PTPN9: variants seen among roughly 807,000 people sequenced by gnomAD.
PTPN9 encodes the protein tyrosine-protein phosphatase non-receptor type 9.
Under a neutral mutation model 69.8 loss-of-function variants are expected in PTPN9, and 26 were observed. The ratio of observed to expected loss-of-function variants is 0.37; its 90% CI spans 0.27 to 0.52. PTPN9 has a LOEUF of 0.52. PTPN9 is among the 20% of genes least tolerant of loss of function. PTPN9 has a pLI of 0.91. For missense variants in PTPN9, 549 were observed against 740.3 expected (o/e 0.74, Z 3.00); for synonymous variants, 274 against 272.5 (o/e 1.01, Z -0.05).
intron 1 of PTPN9, among the ~76,000 whole-genome samples, chr15:75,528,821 C>T (rs1466636101): frequency 1.3e-5 from 2 of 151,978 alleles, no homozygotes; most frequent in African/African-American, 4.8e-5. Context: ...CTGTCCCCGC[C>T]TTCCGAGTAG....
At chr15:75,503,647 C>A (rs1373496183) in intron 7 of PTPN9, among the ~76,000 whole-genome samples, 1 of 55,700 alleles carries the variant, frequency 1.8e-5, no homozygotes, top group African/African-American at 6.7e-5. Context: ...GTGAGGGGCG[C>A]CTCTGCCCAG....
rs1378547708 is a variant in PTPN9, at chr15:75,481,845, G to A, written c.1063-1931C>T. Among the ~76,000 whole-genome samples the A allele has an allele frequency of 5.4e-4, 72 of 134,248 alleles. 5 individuals are homozygous for A. The highest frequency in any genetic ancestry group is 2.3e-4 in the Non-Finnish European group (14 of 61,248). 88.1% of individuals were successfully genotyped at this position (134,248 alleles called of 152,430 possible). A position where few individuals can be genotyped will look rare whatever the true frequency, so the allele number is the denominator to read the frequency against. ...GGGAGGGAGGTGGGGGGGGGTCAGC[G>A]CCCCTGCCTGGCCAGCCGCCCCTCC... On this transcript the variant is annotated intron_variant, in intron 8 of 12. Coordinates refer to ENST00000618819, the MANE Select transcript of PTPN9 (RefSeq NM_002833.4).
chr15:75,489,169 C>T (rs1319888087), intron 8 of PTPN9, among the ~76,000 whole-genome samples: 2 of 113,380 alleles, frequency 1.8e-5, no homozygotes, highest in Non-Finnish European at 3.3e-5. Flanking sequence ...AGCAAGACTC[C>T]GTCTCAAAAA....
At chr15:75,555,054 C>T (rs1350895390) in intron 1 of PTPN9, among the ~76,000 whole-genome samples, 1 of 152,226 alleles carries the variant, frequency 6.6e-6, no homozygotes, top group Non-Finnish European at 1.5e-5. Context: ...TCTTTGCAAC[C>T]ATGCAAATAT....
rs2074537587 is a variant in PTPN9 at position 75,466,625 on chromosome 15, A to C, written c.*2144T>G. On this transcript the variant is annotated 3_prime_UTR_variant, in exon 13 of 13. Transcript: ENST00000618819. The stretch of plus-strand genomic sequence containing the variant: ...CATGAAGCATGGGCACAAGAACAAC[A>C]ACCTGGAATTTAAGAACTTTTTTTA... The C allele has an allele frequency of 6.6e-6, 1 of 152,138 alleles. No individual in the cohort carries two copies. Among genetic ancestry groups the C allele is most frequent in the Non-Finnish European group, 1.5e-5 (1 of 68,024 alleles). 9.4% of individuals were successfully genotyped at this position (152,138 alleles called of 1,614,324 possible). A position where few individuals can be genotyped will look rare whatever the true frequency, so the allele number is the denominator to read the frequency against.
intron 1 of PTPN9, among the ~76,000 whole-genome samples, chr15:75,556,817 AC>A: frequency 6.6e-6 from 1 of 152,294 alleles, no homozygotes; most frequent in Admixed American, 6.5e-5. Flanking sequence ...GTTTTATCAT[AC>A]CCAGCAAAAA....
chr15:75,530,587 A>C (rs1189201020), intron 1 of PTPN9, among the ~76,000 whole-genome samples: 2 of 82,494 alleles, frequency 2.4e-5, no homozygotes, highest in Non-Finnish European at 4.3e-5. Context: ...ATACTATAAT[A>C]TATATTATTA....
chr15:75,534,049 T>C (rs1319915165), intron 1 of PTPN9, among the ~76,000 whole-genome samples: 1 of 152,198 alleles, frequency 6.6e-6, no homozygotes, highest in Admixed American at 6.5e-5. Flanking sequence ...GAAAGTTTAG[T>C]GTGGTTTTGG....
At chr15:75,519,518 C>T (rs879621300) in intron 4 of PTPN9, among the ~76,000 whole-genome samples, 1 of 152,180 alleles carries the variant, frequency 6.6e-6, no homozygotes, top group Non-Finnish European at 1.5e-5. Flanking sequence ...GCTAACATTT[C>T]AAAAATGTCT....
chr15:75,478,395 G>A (rs1244598349), intron 9 of PTPN9, among the ~76,000 whole-genome samples: 1 of 152,158 alleles, frequency 6.6e-6, no homozygotes, highest in Non-Finnish European at 1.5e-5. Context: ...GTGAGCCATT[G>A]TGACTGGCCC....
At chr15:75,513,594 C>T (rs2074853934) in intron 5 of PTPN9, among the ~76,000 whole-genome samples, 1 of 151,954 alleles carries the variant, frequency 6.6e-6, no homozygotes, top group African/African-American at 2.4e-5. Flanking sequence ...TGGTGAAACC[C>T]CATTGCTACT....
At chr15:75,574,287 C>CA (rs1374351542) in intron 1 of PTPN9, among the ~76,000 whole-genome samples, 1,677 of 58,376 alleles carry the variant, frequency 0.029, 21 homozygotes, top group East Asian at 0.075. Context: ...CCTGTCTCCA[C>CA]AAAAAAAAAA....
intron 1 of PTPN9, among the ~76,000 whole-genome samples, chr15:75,564,651 T>C (rs2075119186): frequency 6.6e-6 from 1 of 151,178 alleles, no homozygotes; most frequent in Non-Finnish European, 1.5e-5. Flanking sequence ...AGCTCAGTAG[T>C]GTTCTCTCAT....
At chr15:75,512,391 C>T (rs1342356310) in intron 5 of PTPN9, among the ~76,000 whole-genome samples, 1 of 151,978 alleles carries the variant, frequency 6.6e-6, no homozygotes, top group African/African-American at 2.4e-5. Context: ...CAGGGTCTTG[C>T]TACGTGGCCT....
intron 10 of PTPN9, among the ~76,000 whole-genome samples, chr15:75,471,844 G>C (rs775109400): frequency 6.6e-6 from 1 of 151,814 alleles, no homozygotes; most frequent in Non-Finnish European, 1.5e-5. Flanking sequence ...CCTGGGAGGC[G>C]GAGGTTGCAG....
chr15:75,513,088 A>G, intron 5 of PTPN9: 1 of 372,466 alleles, frequency 2.7e-6, no homozygotes, highest in Non-Finnish European at 5.2e-6. Flanking sequence ...CTGCTGACCA[A>G]GCTGCCACCC....
intron 1 of PTPN9, among the ~76,000 whole-genome samples, chr15:75,530,839 ATATAT>A (rs963565547): frequency 2.2e-4 from 22 of 100,202 alleles, no homozygotes; most frequent in Admixed American, 3.4e-4. Flanking sequence ...ATATATTATA[ATATAT>A]TATATATTAT....
intron 1 of PTPN9, among the ~76,000 whole-genome samples, chr15:75,529,971 C>T (rs1260495164): frequency 1.4e-5 from 2 of 145,902 alleles, no homozygotes; most frequent in African/African-American, 2.5e-5. Context: ...CTTTGGGAGG[C>T]CGAGGGCAGA....
chr15:75,497,510 A>G lies in PTPN9; in HGVS notation c.969-7209T>C, dbSNP rs183814624. 2.6e-5 allele frequency among the ~76,000 whole-genome samples: 4 copies of G among 152,266 alleles called. No homozygotes were observed. In the East Asian group the frequency reaches 7.7e-4, roughly 29 times the overall value. On this transcript the variant is annotated intron_variant, in intron 7 of 12. Transcript: ENST00000618819. Reference sequence around the variant, plus strand: ...AAGAACACATGTCTCTCTTAAAAAGAAAGAAAAAGGCCAGGTGTGGGGGCT... The same window carrying G: ...AAGAACACATGTCTCTCTTAAAAAGGAAGAAAAAGGCCAGGTGTGGGGGCT...
Sources: allele counts gnomAD v4.1 joint callset (sites outside exome capture counted in the v4.1 genomes callset), GRCh38; gene constraint gnomAD v4.1.1; transcripts MANE v1.5; gene names NCBI Gene and HGNC (gene_info 2026-07-23, HGNC 2026-07-21).